PKNOX2: variants seen among roughly 807,000 people sequenced by gnomAD.
The protein encoded by PKNOX2 is PBX/knotted 1 homeobox 2, also known as homeobox protein PKNOX2.
Under a neutral mutation model 53.1 loss-of-function variants are expected in PKNOX2, and 14 were observed. The ratio of observed to expected loss-of-function variants is 0.26; its 90% CI spans 0.17 to 0.41. The LOEUF (loss-of-function observed/expected upper bound fraction) is 0.41. Ranked by LOEUF, PKNOX2 falls within the 10% of genes least tolerant of loss-of-function variation. The pLI, the probability that PKNOX2 is intolerant of heterozygous loss-of-function variation, is 1.00. For missense variants in PKNOX2, 496 were observed against 602.8 expected, an observed-to-expected ratio of 0.82 and a Z score of 1.85; for synonymous variants, 257 against 242.8, an observed-to-expected ratio of 1.06 and a Z score of -0.54.
chr11:125,321,048 C>T (rs1456175574), intron 2 of PKNOX2, among the ~76,000 whole-genome samples: 1 of 152,174 alleles, frequency 6.6e-6, no homozygotes, highest in African/African-American at 2.4e-5. Context: ...ATTCAGGAGG[C>T]ATCACAGAAT....
chr11:125,375,280 T>C (rs1952771051), intron 5 of PKNOX2, among the ~76,000 whole-genome samples: 1 of 152,132 alleles, frequency 6.6e-6, no homozygotes, highest in Admixed American at 6.5e-5. Context: ...AGGAGGTTCT[T>C]TTGGAAACTC....
At chr11:125,201,628 C>T (rs1276735198) in intron 1 of PKNOX2, among the ~76,000 whole-genome samples, 1 of 152,128 alleles carries the variant, frequency 6.6e-6, no homozygotes, top group African/African-American at 2.4e-5. Context: ...CTGACAGATT[C>T]ACTGGAAGCA....
In PKNOX2 at chr11:125,316,772, T is replaced by C. The variant is rs182707479; in HGVS notation, c.-129-15047T>C. ...CTGCTGGAGGGTTTTGCCTCAGTGT[T>C]GATGGCTGCTGGCTGATTAGGAGTT... On this transcript the variant is annotated intron_variant, in intron 2 of 12. Transcript: ENST00000298282. Among the ~76,000 whole-genome samples the C allele has an allele frequency of 4.6e-5, 7 of 152,362 alleles. No homozygotes were observed. In the East Asian group the frequency reaches 9.6e-4, roughly 21 times the overall value.
In PKNOX2 at chr11:125,166,783, G is replaced by A. The variant is rs1330059018; in HGVS notation, c.-201+2007G>A. Among the ~76,000 whole-genome samples the A allele has an allele frequency of 3.9e-5, 6 of 152,234 alleles. No homozygotes were observed. Among genetic ancestry groups the A allele is most frequent in the African/African-American group, 1.2e-4 (5 of 41,464 alleles). ...AACCCGGCCTTTGGTGCGCCCGGGG[G>A]AGGAGGAAGCTTGGAGTGCCCTACT... On this transcript the variant is annotated intron_variant, in intron 1 of 12. Coordinates refer to ENST00000298282, the MANE Select transcript of PKNOX2 (RefSeq NM_001382323.2). The surrounding 1 kb of genome is among the most constrained non-coding windows in gnomAD (Gnocchi z 4.0).
At chr11:125,354,224 C>T (rs1591539422) in intron 4 of PKNOX2, among the ~76,000 whole-genome samples, 1 of 152,170 alleles carries the variant, frequency 6.6e-6, no homozygotes, top group African/African-American at 2.4e-5. Flanking sequence ...CCCCAAGAAC[C>T]AGCCGCTCTC....
intron 1 of PKNOX2, among the ~76,000 whole-genome samples, chr11:125,172,520 C>G (rs1638829753): frequency 6.6e-6 from 1 of 152,134 alleles, no homozygotes; most frequent in Non-Finnish European, 1.5e-5. Flanking sequence ...AAAGGGGGGA[C>G]TGGTAGTCTG....
At position 125,253,526 on chromosome 11, in the gene PKNOX2, C is replaced by T. The variant is rs898135506; in HGVS notation, c.-130+18411C>T. 7.2e-5 allele frequency among the ~76,000 whole-genome samples: 11 copies of T among 152,152 alleles called. No homozygotes were observed. In the East Asian group the frequency reaches 7.7e-4, roughly 11 times the overall value. On this transcript the variant is annotated intron_variant, in intron 2 of 12. Transcript: ENST00000298282. The stretch of plus-strand genomic sequence containing the variant: ...CTTCAGGGTCCCGTGCAAATGCCAC[C>T]GATGGTCCCAGGCAGAGCTAGGACT...
At chr11:125,274,195 G>A (rs1295707394) in intron 2 of PKNOX2, among the ~76,000 whole-genome samples, 4 of 152,176 alleles carry the variant, frequency 2.6e-5, no homozygotes, top group African/African-American at 7.2e-5. Context: ...ATGCCTCAGA[G>A]CAATAGAGTA....
chr11:125,375,137 A>T (rs1467009700), intron 5 of PKNOX2, among the ~76,000 whole-genome samples: 3 of 152,142 alleles, frequency 2.0e-5, no homozygotes, highest in East Asian at 3.9e-4. Flanking sequence ...CTGCATTCTG[A>T]CTCTATCATC....
In PKNOX2 at chr11:125,433,000, A is replaced by AATG. The variant is rs1419837993; in HGVS notation, c.*1609_*1611dup. ...TTCTCCCCCAAAAGAGCTGATATTT[A>AATG]ATGTTTTAATAAGGATTTTTGAGAA... is the stretch of plus-strand genomic sequence containing the variant. On this transcript the variant is annotated 3_prime_UTR_variant, in exon 13 of 13. Transcript: ENST00000298282. 2.0e-5 allele frequency: 3 copies of AATG among 152,634 alleles called. No individual in the cohort carries two copies. The highest frequency in any genetic ancestry group is 2.9e-5 in the Non-Finnish European group (2 of 68,032). 9.5% of individuals were successfully genotyped at this position (152,634 alleles called of 1,614,324 possible). A position where few individuals can be genotyped will look rare whatever the true frequency, so the allele number is the denominator to read the frequency against.
rs987517269 is a variant in PKNOX2, at chr11:125,240,303, AC to A, written c.-130+5193del. 34 of 152,008 alleles carry A rather than the reference AC, an allele frequency of 2.2e-4. No individual in the cohort carries two copies. The highest frequency in any genetic ancestry group is 8.2e-4 in the African/African-American group (34 of 41,378). 9.4% of individuals were successfully genotyped at this position (152,008 alleles called of 1,614,324 possible). A position where few individuals can be genotyped will look rare whatever the true frequency, so the allele number is the denominator to read the frequency against. On this transcript the variant is annotated intron_variant, in intron 2 of 12. Transcript: ENST00000298282. The surrounding 1 kb of genome is among the most constrained non-coding windows in gnomAD (Gnocchi z 4.3). ...TCAATTAATGGCTTTGTTTAATCAT[AC>A]CCCCTGTCCAGAAGAGTATTGTCTT...
In PKNOX2 at chr11:125,318,674, C is replaced by G. The variant is rs151123637; in HGVS notation, c.-129-13145C>G. Among the ~76,000 whole-genome samples, 3 of 152,296 alleles carry G rather than the reference C, an allele frequency of 2.0e-5. No homozygotes were observed. In the East Asian group the frequency reaches 5.8e-4, roughly 29 times the overall value. On this transcript the variant is annotated intron_variant, in intron 2 of 12. Transcript: ENST00000298282. ...TTGAATTCACAACTTGGCTGTTTGA[C>G]ACAAAGGCCTAACTTTTGCCCTATC...
chr11:125,429,888 G>T lies in PKNOX2; in HGVS notation c.1014-75G>T, dbSNP rs924653268. Reference sequence around the variant, plus strand: ...CTCTGTGAAATGGAGTCTGAAGGCAGCTTCACCCTCCCTGCCCCCACCCCA... The same window carrying T: ...CTCTGTGAAATGGAGTCTGAAGGCATCTTCACCCTCCCTGCCCCCACCCCA... On this transcript the variant is annotated intron_variant, in intron 11 of 12. Transcript: ENST00000298282. 6 of 1,479,174 alleles carry T rather than the reference G, an allele frequency of 4.1e-6. No individual in the cohort carries two copies. The Admixed American group carries it at 1.3e-4, about 32-fold the overall frequency. The allele number at this position is 1,479,174 out of a possible 1,614,324, so 91.6% of individuals were successfully genotyped here. A position where few individuals can be genotyped will look rare whatever the true frequency, so the allele number is the denominator to read the frequency against.
intron 1 of PKNOX2, among the ~76,000 whole-genome samples, chr11:125,212,513 G>A (rs1279707076): frequency 2.0e-5 from 3 of 148,994 alleles, no homozygotes; most frequent in East Asian, 2.0e-4. Context: ...GGAGTGCAGC[G>A]GCGTGATCAC....
At chr11:125,315,056 C>A (rs1010041030) in intron 2 of PKNOX2, among the ~76,000 whole-genome samples, 1 of 152,080 alleles carries the variant, frequency 6.6e-6, no homozygotes, top group Non-Finnish European at 1.5e-5. Flanking sequence ...AGGCCCTCTC[C>A]GGCCCTTGGT....
At chr11:125,403,358 C>T (rs1389389683) in intron 7 of PKNOX2, among the ~76,000 whole-genome samples, 4 of 152,096 alleles carry the variant, frequency 2.6e-5, no homozygotes, top group Non-Finnish European at 5.9e-5. Context: ...GCTGGAGACA[C>T]GCTGGAGACA....
intron 5 of PKNOX2, among the ~76,000 whole-genome samples, chr11:125,376,762 A>C (rs1270771360): frequency 1.3e-5 from 2 of 151,872 alleles, no homozygotes; most frequent in Non-Finnish European, 2.9e-5. Flanking sequence ...AACCCTTGGG[A>C]GTTCAGAGAG....
intron 6 of PKNOX2, among the ~76,000 whole-genome samples, chr11:125,396,242 CTG>C (rs1315051373): frequency 6.6e-6 from 1 of 152,202 alleles, no homozygotes; most frequent in Non-Finnish European, 1.5e-5. Context: ...GCGTGAGCCA[CTG>C]TGCCCAGCCT....
At chr11:125,224,636 T>C (rs746491142) in intron 1 of PKNOX2, among the ~76,000 whole-genome samples, 1 of 152,208 alleles carries the variant, frequency 6.6e-6, no homozygotes, top group East Asian at 1.9e-4. Flanking sequence ...CTAAGAACAA[T>C]TGGAAACAAA....
Sources: gnomAD v4.1 joint callset for allele counts (sites outside exome capture counted in the v4.1 genomes callset) on GRCh38, gnomAD v4.1.1 for gene constraint, Gnocchi (gnomAD v3.1) non-coding constraint, MANE v1.5 for transcripts, NCBI Gene and HGNC (gene_info 2026-07-23, HGNC 2026-07-21) for gene names.